KIAA1217: variants seen among roughly 807,000 people sequenced by gnomAD.
KIAA1217 encodes sickle tail protein homolog.
Under a neutral mutation model 163.9 loss-of-function variants are expected in KIAA1217, and 88 were observed. The ratio of observed to expected loss-of-function variants is 0.54; its 90% CI spans 0.45 to 0.64. The LOEUF (loss-of-function observed/expected upper bound fraction) is 0.64. Ranked by LOEUF, KIAA1217 falls within the 30% of genes least tolerant of loss-of-function variation. The probability of loss-of-function intolerance (pLI) is 0.00; values close to 1 mark genes in which losing one functional copy is unlikely to be tolerated. For synonymous variants in KIAA1217, 903 were observed against 923.1 expected (o/e 0.98, Z 0.39); for missense variants, 2,372 against 2,475.0 (o/e 0.96, Z 0.88).
At chr10:24,230,502 GT>G (rs71397936) in intron 2 of KIAA1217, among the ~76,000 whole-genome samples, 3 of 90,640 alleles carry the variant, frequency 3.3e-5, no homozygotes, top group African/African-American at 4.5e-5. Flanking sequence ...TATTTGTTTT[GT>G]TTTTTTTTTT....
chr10:24,419,469 A>G (rs1018304102), intron 3 of KIAA1217, among the ~76,000 whole-genome samples: 2 of 152,176 alleles, frequency 1.3e-5, no homozygotes, highest in African/African-American at 4.8e-5. Flanking sequence ...AGTGGTGAAG[A>G]CAATTAGCTA....
intron 5 of KIAA1217, among the ~76,000 whole-genome samples, chr10:24,472,428 T>G (rs1452703452): frequency 1.3e-5 from 2 of 152,166 alleles, no homozygotes; most frequent in Non-Finnish European, 2.9e-5. Context: ...TTCCCCCTGC[T>G]CATCTCCCTA....
chr10:24,263,384 C>T (rs2075904386), intron 2 of KIAA1217, among the ~76,000 whole-genome samples: 1 of 152,172 alleles, frequency 6.6e-6, no homozygotes, highest in African/African-American at 2.4e-5. Flanking sequence ...GGGTCATTCC[C>T]TTGTGTTTAG....
At chr10:23,754,525 A>G (rs568830363) in intron 1 of KIAA1217, among the ~76,000 whole-genome samples, 3 of 152,342 alleles carry the variant, frequency 2.0e-5, no homozygotes, top group African/African-American at 7.2e-5. Context: ...TCTTTGACGA[A>G]TATTGTTGGA....
At chr10:24,388,395 T>C (rs2054329043) in intron 3 of KIAA1217, among the ~76,000 whole-genome samples, 1 of 152,192 alleles carries the variant, frequency 6.6e-6, no homozygotes, top group Non-Finnish European at 1.5e-5. Flanking sequence ...TTACAGCTTA[T>C]ACAAAAATTA....
chr10:24,534,842 C>A (rs1200764235), intron 16 of KIAA1217, among the ~76,000 whole-genome samples: 1 of 144,292 alleles, frequency 6.9e-6, no homozygotes, highest in Non-Finnish European at 1.5e-5. Context: ...GATCACACCA[C>A]TGCACTTCAG....
At chr10:23,864,943 T>C (rs1027505511) in intron 1 of KIAA1217, among the ~76,000 whole-genome samples, 2 of 152,132 alleles carry the variant, frequency 1.3e-5, no homozygotes, top group Non-Finnish European at 2.9e-5. Flanking sequence ...ACTGATTTGA[T>C]GAGGCCCACC....
chr10:24,383,637 G>A (rs2130552861), intron 3 of KIAA1217, among the ~76,000 whole-genome samples: 1 of 152,302 alleles, frequency 6.6e-6, no homozygotes, highest in South Asian at 2.1e-4. Context: ...GGGGCTTTTT[G>A]GCCTGCCATT....
rs993191379 is a variant in KIAA1217, at chr10:23,850,877, G to A, written c.-321+155643G>A. Among the ~76,000 whole-genome samples, 12 of 151,970 alleles carry A rather than the reference G, an allele frequency of 7.9e-5. 1 individual carries two copies. The highest frequency in any genetic ancestry group is 7.9e-4 in the Admixed American group (12 of 15,206). The stretch of plus-strand genomic sequence containing the variant: ...GACAGAAAAGGAAGAAGAGAGTGAA[G>A]GGGAATGTGCTACACAATTTTAAAC... On this transcript the variant is annotated intron_variant, in intron 1 of 18. Transcript: ENST00000376462.
chr10:24,031,600 G>A (rs57258273), intron 2 of KIAA1217, among the ~76,000 whole-genome samples: 3,237 of 152,136 alleles, frequency 0.021, 105 homozygotes, highest in African/African-American at 0.073. Context: ...ATGCCCAGCC[G>A]CTGAGCATCT....
chr10:24,002,366 T>C (rs1477835833), intron 1 of KIAA1217, among the ~76,000 whole-genome samples: 1 of 152,104 alleles, frequency 6.6e-6, no homozygotes, highest in Non-Finnish European at 1.5e-5. Flanking sequence ...AAGTCTTAGG[T>C]CACACACTTT....
rs116675482 is a variant in KIAA1217, at chr10:24,422,464, A to G, written c.554-10531A>G. On this transcript the variant is annotated intron_variant, in intron 3 of 20. Coordinates refer to ENST00000376454, the MANE Select transcript of KIAA1217 (RefSeq NM_019590.5). ...ATAATATTTTCTCCCTTAATTGTTG[A>G]GTAACCTTTGAGATGAAAATGAGGA... 7.9e-3 allele frequency among the ~76,000 whole-genome samples: 1,205 copies of G among 152,328 alleles called. 21 individuals are homozygous for G. Among genetic ancestry groups the G allele is most frequent in the African/African-American group, 0.028 (1,152 of 41,554 alleles).
At chr10:23,917,541 G>T (rs1842679181) in intron 1 of KIAA1217, among the ~76,000 whole-genome samples, 1 of 152,208 alleles carries the variant, frequency 6.6e-6, no homozygotes, top group African/African-American at 2.4e-5. Flanking sequence ...TGCAATAACA[G>T]ATTGGAGATC....
intron 2 of KIAA1217, among the ~76,000 whole-genome samples, chr10:24,240,950 G>A (rs367546281): frequency 9.9e-5 from 15 of 151,806 alleles, no homozygotes; most frequent in African/African-American, 1.7e-4. Context: ...TCTGCCTCCC[G>A]GCTAAAGCAA....
chr10:24,278,797 A>C (rs2132147932), intron 2 of KIAA1217, among the ~76,000 whole-genome samples: 1 of 152,060 alleles, frequency 6.6e-6, no homozygotes, highest in South Asian at 2.1e-4. Flanking sequence ...AACTGAGTTA[A>C]AGTTGCTAAC....
intron 2 of KIAA1217, among the ~76,000 whole-genome samples, chr10:24,305,165 G>A (rs1374095650): frequency 6.6e-6 from 1 of 152,212 alleles, no homozygotes; most frequent in African/African-American, 2.4e-5. Flanking sequence ...AAACATTGGT[G>A]ATGGAGAGGA....
chr10:24,327,390 G>A (rs555888482), intron 2 of KIAA1217, among the ~76,000 whole-genome samples: 3 of 152,170 alleles, frequency 2.0e-5, no homozygotes, highest in Non-Finnish European at 4.4e-5. Context: ...ATTAATTGAT[G>A]TAAAGTCCCC....
At chr10:24,508,134 G>A (rs12250462) in intron 9 of KIAA1217, among the ~76,000 whole-genome samples, 63,249 of 151,870 alleles carry the variant, frequency 0.42, 14,983 homozygotes, top group African/African-American at 0.66. Context: ...TTAACAAAAC[G>A]TTAGTAACTG....
chr10:24,065,342 G>T (rs1004244983), intron 2 of KIAA1217, among the ~76,000 whole-genome samples: 1 of 152,076 alleles, frequency 6.6e-6, no homozygotes, highest in East Asian at 1.9e-4. Flanking sequence ...GGTATGTTGT[G>T]TCTTTGTTCT....
Sources: gnomAD v4.1 joint callset for allele counts (sites outside exome capture counted in the v4.1 genomes callset) on GRCh38, gnomAD v4.1.1 for gene constraint, MANE v1.5 for transcripts, NCBI Gene and HGNC (gene_info 2026-07-23, HGNC 2026-07-21) for gene names.